CDH8: variants seen among roughly 807,000 people sequenced by gnomAD.
CDH8 encodes cadherin 8.
A neutral mutation model predicts 68.1 loss-of-function variants in CDH8; 17 were observed. The observed-to-expected ratio is 0.25, with a 90% CI of 0.17 to 0.37. The LOEUF (loss-of-function observed/expected upper bound fraction) is 0.37. Among genes scored for constraint, CDH8 ranks in the 10% least tolerant of loss-of-function variants. CDH8 has a pLI of 1.00. For synonymous variants in CDH8, 372 were observed against 365.1 expected, an observed-to-expected ratio of 1.02 and a Z score of -0.21; for missense variants, 763 against 999.3, an observed-to-expected ratio of 0.76 and a Z score of 3.19.
intron 10 of CDH8, among the ~76,000 whole-genome samples, chr16:61,665,523 G>A (rs537650009): frequency 6.6e-5 from 10 of 152,024 alleles, no homozygotes; most frequent in Admixed American, 3.9e-4. Context: ...GGCAAGGGGA[G>A]AGAGAGTGTT....
chr16:61,743,747 T>C, intron 8 of CDH8, among the ~76,000 whole-genome samples: 1 of 152,184 alleles, frequency 6.6e-6, no homozygotes, highest in East Asian at 1.9e-4. Flanking sequence ...GCTTAGATAA[T>C]TGATTTTCAG....
At chr16:61,760,432 C>T (rs1960433360) in intron 8 of CDH8, among the ~76,000 whole-genome samples, 1 of 151,890 alleles carries the variant, frequency 6.6e-6, no homozygotes, top group Admixed American at 6.6e-5. Context: ...CTGCCTCAGC[C>T]TCCCAGTAGC....
At chr16:61,818,699 G>T (rs1301692370) in intron 6 of CDH8, among the ~76,000 whole-genome samples, 1 of 152,130 alleles carries the variant, frequency 6.6e-6, no homozygotes, top group Non-Finnish European at 1.5e-5. Flanking sequence ...TAATACTTCA[G>T]ATTTCAAGAA....
chr16:61,736,112 A>AAAGAAAGAAAGAAAGGAAGG (rs776989465), intron 8 of CDH8, among the ~76,000 whole-genome samples: 89 of 116,526 alleles, frequency 7.6e-4, no homozygotes, highest in African/African-American at 3.0e-3. Flanking sequence ...AGAAAGAAAG[A>AAAGAAAGAAAGAAAGGAAGG]AAGGAAGGAA....
At chr16:61,713,494 A>T (rs1261795494) in intron 10 of CDH8, among the ~76,000 whole-genome samples, 1 of 151,646 alleles carries the variant, frequency 6.6e-6, no homozygotes, top group African/African-American at 2.4e-5. Context: ...AAACTTAACA[A>T]CTACAAAGTG....
intron 5 of CDH8, among the ~76,000 whole-genome samples, chr16:61,824,705 T>C (rs1365873687): frequency 6.6e-6 from 1 of 151,876 alleles, no homozygotes; most frequent in Non-Finnish European, 1.5e-5. Context: ...TGAGCTTCAT[T>C]TGCATCACCC....
intron 4 of CDH8, among the ~76,000 whole-genome samples, chr16:61,839,126 A>T (rs976940222): frequency 1.3e-5 from 2 of 152,130 alleles, no homozygotes; most frequent in Admixed American, 1.3e-4. Flanking sequence ...AAAAAAATAC[A>T]TTTCCTGAGA....
intron 7 of CDH8, among the ~76,000 whole-genome samples, chr16:61,803,571 C>T (rs982643659): frequency 6.6e-6 from 1 of 152,024 alleles, no homozygotes; most frequent in South Asian, 2.1e-4. Context: ...TCAGGAAGCC[C>T]ATCTCACGTG....
At chr16:61,802,224 A>T (rs1415121715) in intron 7 of CDH8, among the ~76,000 whole-genome samples, 3 of 87,846 alleles carry the variant, frequency 3.4e-5, no homozygotes, top group Non-Finnish European at 6.5e-5. Flanking sequence ...CTCACACGGC[A>T]GGGTATTCCA....
intron 4 of CDH8, among the ~76,000 whole-genome samples, chr16:61,839,188 G>C (rs759407664): frequency 1.3e-5 from 2 of 152,078 alleles, no homozygotes; most frequent in Non-Finnish European, 2.9e-5. Context: ...AGATTGTACT[G>C]ATGATTATCA....
chr16:61,723,843 C>G (rs1468294139), intron 9 of CDH8, among the ~76,000 whole-genome samples: 3 of 150,512 alleles, frequency 2.0e-5, no homozygotes, highest in Non-Finnish European at 4.5e-5. Flanking sequence ...CCTGTTTAAC[C>G]CTCCTGTTAA....
intron 8 of CDH8, among the ~76,000 whole-genome samples, chr16:61,754,486 TTTG>T (rs1160684540): frequency 1.3e-5 from 2 of 152,018 alleles, no homozygotes; most frequent in African/African-American, 4.8e-5. Flanking sequence ...GAAGCCATTT[TTTG>T]TTTTTTTTAT....
chr16:61,867,399 T>C (rs912954962), intron 3 of CDH8, among the ~76,000 whole-genome samples: 1 of 152,126 alleles, frequency 6.6e-6, no homozygotes, highest in Non-Finnish European at 1.5e-5. Context: ...AATGGAACAA[T>C]TAGCTACTAA....
chr16:61,932,787 A>G (rs1964567180), intron 2 of CDH8, among the ~76,000 whole-genome samples: 1 of 152,204 alleles, frequency 6.6e-6, no homozygotes, highest in Admixed American at 6.5e-5. Flanking sequence ...TGCAGGGAAA[A>G]AAGATCTCAA....
intron 10 of CDH8, among the ~76,000 whole-genome samples, chr16:61,694,602 C>T (rs1015911099): frequency 3.3e-5 from 5 of 151,866 alleles, no homozygotes; most frequent in Admixed American, 6.6e-5. Flanking sequence ...GAGGTTTTGT[C>T]GTATGGGGGT....
chr16:61,707,566 C>A (rs56236282), intron 10 of CDH8, among the ~76,000 whole-genome samples: 27,317 of 151,932 alleles, frequency 0.18, 2,797 homozygotes, highest in Middle Eastern at 0.25. Flanking sequence ...TATTTTCCTG[C>A]CTTCTCTATC....
intron 10 of CDH8, among the ~76,000 whole-genome samples, chr16:61,669,768 G>A (rs188059364): frequency 6.6e-6 from 1 of 152,058 alleles, no homozygotes; most frequent in African/African-American, 2.4e-5. Flanking sequence ...GAAAGGAGTG[G>A]CTCAGTCAAG....
chr16:62,011,024 A>C (rs1597124538), intron 2 of CDH8, among the ~76,000 whole-genome samples: 1 of 148,032 alleles, frequency 6.8e-6, no homozygotes. Context: ...TCTCAACCAC[A>C]TATTCACAGA....
intron 4 of CDH8, among the ~76,000 whole-genome samples, chr16:61,830,420 T>C (rs535856321): frequency 2.0e-5 from 3 of 151,912 alleles, no homozygotes; most frequent in East Asian, 1.9e-4. Context: ...TAAAATGGCA[T>C]TTCTTATCCA....
Sources: gnomAD v4.1 joint callset for allele counts (sites outside exome capture counted in the v4.1 genomes callset) on GRCh38, gnomAD v4.1.1 for gene constraint, MANE v1.5 for transcripts, NCBI Gene and HGNC (gene_info 2026-07-23, HGNC 2026-07-21) for gene names.